The following NDUFAF2 variants were observed in gnomAD, a reference collection of about 807,000 sequenced individuals.
NDUFAF2 encodes NADH:ubiquinone oxidoreductase complex assembly factor 2, also known as NADH dehydrogenase [ubiquinone] 1 alpha subcomplex assembly factor 2.
A neutral mutation model predicts 22.8 loss-of-function variants in NDUFAF2; 13 were observed. That is an observed-to-expected ratio of 0.57 (90% CI 0.37 to 0.91). The LOEUF is 0.91. NDUFAF2 is among the 40% of genes least tolerant of loss of function. The probability of loss-of-function intolerance (pLI) is 0.01; values close to 1 mark genes in which losing one functional copy is unlikely to be tolerated. For synonymous variants in NDUFAF2, 53 were observed against 64.2 expected (o/e 0.83, Z 0.84); for missense variants, 162 against 195.2 (o/e 0.83, Z 1.01).
chr5:61,105,408 CAA>C (rs1752750101), intron 3 of NDUFAF2, among the ~76,000 whole-genome samples: 1 of 151,066 alleles, frequency 6.6e-6, no homozygotes, highest in African/African-American at 2.5e-5. Context: ...ACTTAAATTG[CAA>C]AGAGTGTATG....
At chr5:61,049,660 C>T (rs977310776) in intron 1 of NDUFAF2, among the ~76,000 whole-genome samples, 4 of 151,964 alleles carry the variant, frequency 2.6e-5, no homozygotes, top group Non-Finnish European at 5.9e-5. Context: ...CTTTAAGTAC[C>T]TCATGTAAGT....
At chr5:61,018,530 T>C (rs547059845) in intron 1 of NDUFAF2, among the ~76,000 whole-genome samples, 1 of 152,332 alleles carries the variant, frequency 6.6e-6, no homozygotes, top group South Asian at 2.1e-4. Flanking sequence ...TTTAAGTTCA[T>C]CAAATTTTAT....
intron 1 of NDUFAF2, among the ~76,000 whole-genome samples, chr5:61,000,064 A>T (rs1751277489): frequency 6.6e-6 from 1 of 152,124 alleles, no homozygotes; most frequent in South Asian, 2.1e-4. Context: ...AAAAGAAAAA[A>T]TTAAACTTGT....
chr5:60,989,739 C>T (rs1043343719), intron 1 of NDUFAF2, among the ~76,000 whole-genome samples: 1 of 151,980 alleles, frequency 6.6e-6, no homozygotes, highest in Non-Finnish European at 1.5e-5. Flanking sequence ...GACACTGGGA[C>T]AAACTTGAGG....
At chr5:61,061,041 C>T (rs181783109) in intron 1 of NDUFAF2, among the ~76,000 whole-genome samples, 4 of 152,210 alleles carry the variant, frequency 2.6e-5, no homozygotes, top group East Asian at 1.9e-4. Context: ...TCTCCTGCCA[C>T]AGGTACCTTC....
chr5:60,995,915 G>A (rs1158497900), intron 1 of NDUFAF2, among the ~76,000 whole-genome samples: 1 of 152,064 alleles, frequency 6.6e-6, no homozygotes, highest in African/African-American at 2.4e-5. Flanking sequence ...CCATTTCAAA[G>A]GCCACCGCCA....
At chr5:61,115,219 G>A (rs1185307079) in intron 3 of NDUFAF2, 2 of 152,478 alleles carry the variant, frequency 1.3e-5, no homozygotes, top group Non-Finnish European at 2.9e-5. Context: ...AGTACTGCCA[G>A]GCTACTGCTG....
In NDUFAF2 at chr5:60,945,389, TGGC is replaced by T. The variant is rs748686983; in HGVS notation, c.127+12_127+14del. The T allele has an allele frequency of 9.9e-6, 16 of 1,613,990 alleles. No individual in the cohort carries two copies. In the South Asian group the frequency reaches 1.6e-4, roughly 17 times the overall value. ...CAGTACAAGAACTGGAGAGGTGAGGTGGCGGCGTGGGCAGCGATTGCGTGGTCA... is the reference window on the plus strand; with the variant it reads ...CAGTACAAGAACTGGAGAGGTGAGGTGGCGTGGGCAGCGATTGCGTGGTCA... On this transcript the variant is annotated splice_region_variant and intron_variant, in intron 1 of 3. Coordinates refer to ENST00000296597, the MANE Select transcript of NDUFAF2 (RefSeq NM_174889.5).
chr5:61,048,794 A>G (rs1751987232), intron 1 of NDUFAF2, among the ~76,000 whole-genome samples: 1 of 152,154 alleles, frequency 6.6e-6, no homozygotes, highest in Non-Finnish European at 1.5e-5. Flanking sequence ...TTGTTGCTAG[A>G]AGGCAGTCAG....
intron 1 of NDUFAF2, among the ~76,000 whole-genome samples, chr5:61,047,213 T>C (rs1016268218): frequency 2.0e-5 from 3 of 152,148 alleles, no homozygotes; most frequent in Non-Finnish European, 4.4e-5. Context: ...AGCTAATACA[T>C]ATAATGCTTA....
chr5:60,997,968 C>T (rs1408517473), intron 1 of NDUFAF2, among the ~76,000 whole-genome samples: 1 of 152,178 alleles, frequency 6.6e-6, no homozygotes. Flanking sequence ...ATGTGCCTCC[C>T]AGCCAACAAG....
At chr5:61,067,366 G>C (rs1041297179) in intron 1 of NDUFAF2, among the ~76,000 whole-genome samples, 1 of 140,022 alleles carries the variant, frequency 7.1e-6, no homozygotes, top group African/African-American at 2.7e-5. Flanking sequence ...GTGTCCATAT[G>C]TTTTCATTGT....
At chr5:61,060,150 T>A (rs1752146256) in intron 1 of NDUFAF2, among the ~76,000 whole-genome samples, 2 of 152,122 alleles carry the variant, frequency 1.3e-5, no homozygotes, top group Admixed American at 1.3e-4. Context: ...AGATAAAAGA[T>A]AAAACATGAA....
chr5:61,034,520 C>G (rs2112611554), intron 1 of NDUFAF2, among the ~76,000 whole-genome samples: 1 of 152,202 alleles, frequency 6.6e-6, no homozygotes, highest in South Asian at 2.1e-4. Context: ...TAGATGTGGT[C>G]CGTCATTGAC....
intron 2 of NDUFAF2, among the ~76,000 whole-genome samples, chr5:61,097,424 A>G (rs1192878536): frequency 6.6e-6 from 1 of 152,228 alleles, no homozygotes; most frequent in African/African-American, 2.4e-5. Flanking sequence ...AACTTATGTA[A>G]TTCATTGAAT....
intron 1 of NDUFAF2, among the ~76,000 whole-genome samples, chr5:61,039,638 G>A (rs1751846757): frequency 6.6e-6 from 1 of 152,094 alleles, no homozygotes; most frequent in Non-Finnish European, 1.5e-5. Flanking sequence ...TTTAGGGGAC[G>A]GCTGGTGTCC....
intron 2 of NDUFAF2, among the ~76,000 whole-genome samples, chr5:61,098,490 G>A (rs779238781): frequency 2.6e-5 from 4 of 152,208 alleles, no homozygotes; most frequent in Non-Finnish European, 4.4e-5. Context: ...AAGTGTTAGA[G>A]CTAAGGCCTG....
chr5:61,131,641 G>A (rs562957040), intron 3 of NDUFAF2, among the ~76,000 whole-genome samples: 3 of 152,164 alleles, frequency 2.0e-5, no homozygotes, highest in Middle Eastern at 6.9e-3. Flanking sequence ...CTAGTATGCA[G>A]CCATTATGAA....
chr5:60,953,236 T>G (rs1750570796), intron 1 of NDUFAF2, among the ~76,000 whole-genome samples: 1 of 152,110 alleles, frequency 6.6e-6, no homozygotes, highest in African/African-American at 2.4e-5. Flanking sequence ...AAAGATACAT[T>G]ACTTACAGAG....
Sources: gnomAD v4.1 joint callset for allele counts (sites outside exome capture counted in the v4.1 genomes callset) on GRCh38, gnomAD v4.1.1 for gene constraint, MANE v1.5 for transcripts, NCBI Gene and HGNC (gene_info 2026-07-23, HGNC 2026-07-21) for gene names.